The following KY variants were observed in gnomAD, a reference collection of about 807,000 sequenced individuals.
KY encodes kyphoscoliosis peptidase.
A neutral mutation model predicts 76.1 loss-of-function variants in KY; 43 were observed. The observed-to-expected ratio is 0.57, with a 90% CI of 0.44 to 0.73. The LOEUF (loss-of-function observed/expected upper bound fraction) is 0.73, where lower values mean the gene tolerates loss of function less well. Among genes scored for constraint, KY ranks in the 30% least tolerant of loss-of-function variants. The pLI is 0.00. For synonymous variants in KY, 277 were observed against 326.2 expected, an observed-to-expected ratio of 0.85 and a Z score of 1.63; for missense variants, 722 against 828.9, an observed-to-expected ratio of 0.87 and a Z score of 1.58.
chr3:134,643,828 T>TC (rs1013450649), intron 2 of KY, among the ~76,000 whole-genome samples: 3 of 104,884 alleles, frequency 2.9e-5, no homozygotes, highest in African/African-American at 9.0e-5. Flanking sequence ...GTCTCCTGCT[T>TC]CTTTTTTTTT....
At chr3:134,643,258 G>A in intron 3 of KY, 58 bp downstream of exon 3, 6 of 1,534,382 alleles carry the variant, frequency 3.9e-6, no homozygotes, top group Admixed American at 1.7e-5. Flanking sequence ...GCTGGCCAGA[G>A]CATCAGGTCT....
intron 4 of KY, among the ~76,000 whole-genome samples, chr3:134,628,612 C>G (rs921076819): frequency 6.6e-6 from 1 of 152,178 alleles, no homozygotes. Context: ...ATTTTTTTCC[C>G]ACCTACCTTT....
chr3:134,625,121 G>C lies in KY; in HGVS notation c.415C>G (p.Arg139Gly), dbSNP rs373240849. 5.6e-6 allele frequency: 9 copies of C among 1,598,622 alleles called. No individual in the cohort carries two copies. Among genetic ancestry groups the C allele is most frequent in the Non-Finnish European group, 7.7e-6 (9 of 1,172,450 alleles). Residue 139 changes from arginine (R) to glycine (G), a missense_variant, in exon 6 of 11, where the codon CGA (arginine) becomes GGA (glycine). Arg to Gly is a moderately radical substitution (Grantham distance 125, BLOSUM62 -2). Around this residue, in one of 2 missense-constraint regions of KY, gnomAD observed 552 missense variants for 680.9 expected, o/e 0.81. Transcript: ENST00000423778. ...GKDAHAYPWD[R>G]SSLKSMSLDL... The stretch of plus-strand genomic sequence containing the variant: ...AGGGACATGGATTTCAGGCTAGATC[G>C]ATCCCAGGGGTAGGCTGGAAACACA...
chr3:134,635,418 A>G (rs1426518262), intron 3 of KY, among the ~76,000 whole-genome samples: 1 of 142,184 alleles, frequency 7.0e-6, no homozygotes, highest in Non-Finnish European at 1.5e-5. Flanking sequence ...AATCGCTTGG[A>G]CCTGGGAGGC....
rs1003628239 is a variant in KY, at chr3:134,643,354, G to A, written c.224C>T (p.Pro75Leu). ...GGAAGTGATGACCTGGGGCTGCTGAGGGTGCTGCTTCTCCACCAAGTTTTC... is the reference window on the plus strand; with the variant it reads ...GGAAGTGATGACCTGGGGCTGCTGAAGGTGCTGCTTCTCCACCAAGTTTTC... ...FHENLVEKQH[P>L]QQPQVITSYN... The change falls in exon 3 of 11, where the codon CCT becomes CTT. Residue 75 changes from proline to leucine, a missense_variant. By Grantham distance (98) the Pro-to-Leu change is moderately conservative. Around this residue, in one of 2 missense-constraint regions of KY, gnomAD observed 170 missense variants for 148.1 expected, o/e 1.15. Transcript: ENST00000423778. 3 of 1,613,798 alleles carry A rather than the reference G, an allele frequency of 1.9e-6. No homozygotes were observed. The highest frequency in any genetic ancestry group is 2.2e-5 in the East Asian group (1 of 44,880).
intron 3 of KY, among the ~76,000 whole-genome samples, chr3:134,635,493 TAAAAAAAAA>T (rs10647203): frequency 3.8e-5 from 3 of 79,352 alleles, no homozygotes; most frequent in African/African-American, 4.9e-5. Context: ...CGAGACTCTG[TAAAAAAAAA>T]AAAAAAAAAA....
intron 3 of KY, among the ~76,000 whole-genome samples, chr3:134,633,663 C>T (rs1418547395): frequency 2.0e-5 from 3 of 152,084 alleles, no homozygotes; most frequent in Non-Finnish European, 4.4e-5. Context: ...AATGGTGAAA[C>T]ATGGTTATGC....
intron 8 of KY, among the ~76,000 whole-genome samples, chr3:134,611,291 A>G (rs1287812182): frequency 6.6e-6 from 1 of 152,184 alleles, no homozygotes; most frequent in Non-Finnish European, 1.5e-5. Flanking sequence ...TCTGGGGAAG[A>G]TATAAAATGA....
At chr3:134,636,682 T>C (rs576130882) in intron 3 of KY, among the ~76,000 whole-genome samples, 73 of 152,338 alleles carry the variant, frequency 4.8e-4, no homozygotes, top group African/African-American at 1.7e-3. Flanking sequence ...ACCTGCAGAT[T>C]GGTGAGCTCG....
At chr3:134,649,158 G>C (rs1356659646) in intron 1 of KY, among the ~76,000 whole-genome samples, 1 of 152,140 alleles carries the variant, frequency 6.6e-6, no homozygotes, top group Non-Finnish European at 1.5e-5. Context: ...TCATAGCATC[G>C]GTGAGAAACG....
chr3:134,610,229 G>C lies in KY; in HGVS notation c.865C>G (p.Leu289Val). The C allele has an allele frequency of 6.2e-7, 1 of 1,613,834 alleles. No individual in the cohort carries two copies. The highest frequency in any genetic ancestry group is 8.5e-7 in the Non-Finnish European group (1 of 1,179,824). The change falls in exon 9 of 11, where the codon CTG becomes GTG. Residue 289 changes from leucine (L) to valine (V), a missense_variant. Coordinates refer to ENST00000423778, the MANE Select transcript of KY (RefSeq NM_178554.6). ...AATTTGGAGGTGATGGTGTCCACCAGGCCGCTGCCCCAGGTGCTGTCCACC... is the reference window on the plus strand; with the variant it reads ...AATTTGGAGGTGATGGTGTCCACCACGCCGCTGCCCCAGGTGCTGTCCACC... ...HLVDSTWGSG[L>V]VDTITSKFTF...
At chr3:134,646,902 G>C (rs557358349) in intron 2 of KY, among the ~76,000 whole-genome samples, 1 of 152,288 alleles carries the variant, frequency 6.6e-6, no homozygotes, top group South Asian at 2.1e-4. Context: ...TGGCCCCTTA[G>C]TGTTACCACA....
chr3:134,628,649 G>A (rs1963788327), intron 4 of KY, among the ~76,000 whole-genome samples: 1 of 152,312 alleles, frequency 6.6e-6, no homozygotes, highest in Middle Eastern at 3.4e-3. Flanking sequence ...GGTTCGAAAT[G>A]ATAGCTAGCA....
At chr3:134,643,078 C>T (rs964613205) in intron 3 of KY, among the ~76,000 whole-genome samples, 1 of 152,196 alleles carries the variant, frequency 6.6e-6, no homozygotes, top group Admixed American at 6.5e-5. Flanking sequence ...GCAGCGTGCT[C>T]TGAGGCCCAT....
chr3:134,624,985 G>A (rs559786176), intron 6 of KY, 68 bp downstream of exon 6: 2 of 1,355,318 alleles, frequency 1.5e-6, no homozygotes, highest in African/African-American at 2.9e-5. Flanking sequence ...TCTGGGGAGA[G>A]GTTTTGCTGC....
At position 134,605,509 on chromosome 3, in the gene KY, C is replaced by T. The variant is rs1429231004; in HGVS notation, c.1091-1035G>A. 2.0e-5 allele frequency among the ~76,000 whole-genome samples: 3 copies of T among 152,264 alleles called. No homozygotes were observed. The South Asian group carries it at 6.2e-4, about 32-fold the overall frequency. On this transcript the variant is annotated intron_variant, in intron 10 of 10. Coordinates refer to ENST00000423778, the MANE Select transcript of KY (RefSeq NM_178554.6). ...TTCTCATTGAATCTGCATTCCATGC[C>T]AACTCCCACCTCAGGAATGGGAGAA...
intron 3 of KY, 112 bp from the exon 4 acceptor site, chr3:134,629,807 G>C: frequency 1.4e-6 from 1 of 690,964 alleles, no homozygotes; most frequent in South Asian, 1.7e-5. Flanking sequence ...TTTCTTTTGT[G>C]TGTACAAATC....
chr3:134,601,052 G>C lies in KY; in HGVS notation c.*2527C>G, dbSNP rs1404686865. ...CCCGTGCCATTCCGCCGGCGACTGG[G>C]ACTCGTCGCCCGGGAAACAAAGATG... On this transcript the variant is annotated 3_prime_UTR_variant, in exon 11 of 11. Coordinates refer to ENST00000423778, the MANE Select transcript of KY (RefSeq NM_178554.6). The C allele has an allele frequency of 6.6e-6, 1 of 152,206 alleles. No individual in the cohort carries two copies. The highest frequency in any genetic ancestry group is 2.4e-5 in the African/African-American group (1 of 41,442). The allele number at this position is 152,206 out of a possible 1,614,324, so 9.4% of individuals were successfully genotyped here.
In KY at chr3:134,621,947, T is replaced by A. The variant is rs573637974; in HGVS notation, c.484-1090A>T. 2.6e-5 allele frequency among the ~76,000 whole-genome samples: 4 copies of A among 151,958 alleles called. No individual in the cohort carries two copies. In the South Asian group the frequency reaches 8.3e-4, roughly 31 times the overall value. The stretch of plus-strand genomic sequence containing the variant: ...CTAAAGAAGATATACAAATGGCCAA[T>A]AAGCACATAAAAAAAAGCTCAACAT... On this transcript the variant is annotated intron_variant, in intron 6 of 10. Coordinates refer to ENST00000423778, the MANE Select transcript of KY (RefSeq NM_178554.6).
Sources: gnomAD v4.1 joint callset for allele counts (sites outside exome capture counted in the v4.1 genomes callset) on GRCh38, gnomAD v4.1.1 for gene constraint, gnomAD v4.1.1 regional missense constraint, MANE v1.5 for transcripts, NCBI Gene and HGNC (gene_info 2026-07-23, HGNC 2026-07-21) for gene names.